MAPDA: variants seen among roughly 807,000 people sequenced by gnomAD.
MAPDA encodes N6-Methyl-AMP deaminase, also known as N6,N6-dimethyl-AMP deaminase.
At chr15:43,333,989 G>A in the MAPDA span, among the ~76,000 whole-genome samples, 1 of 152,186 alleles carries the variant, frequency 6.6e-6, no homozygotes, top group African/African-American at 2.4e-5. Context: ...TTAGAGTGGT[G>A]GAATAATTCA....
At chr15:43,336,813 C>T in the MAPDA span, 238 of 646,844 alleles carry the variant, frequency 3.7e-4, no homozygotes, top group Non-Finnish European at 4.6e-4. Flanking sequence ...ATTATGGCAA[C>T]TCTTCAAAAC....
the MAPDA span, among the ~76,000 whole-genome samples, chr15:43,341,637 G>A: frequency 4.1e-5 from 6 of 147,288 alleles, no homozygotes; most frequent in Non-Finnish European, 5.9e-5. Context: ...CCAGAAGTTC[G>A]AGACCAGCCT....
chr15:43,338,950 A>G, the MAPDA span, among the ~76,000 whole-genome samples: 7 of 152,234 alleles, frequency 4.6e-5, no homozygotes, highest in Non-Finnish European at 7.3e-5. Flanking sequence ...GAAAAGGACT[A>G]CTATTTCAAA....
the MAPDA span, chr15:43,352,734 C>T: frequency 1.3e-5 from 2 of 152,194 alleles, no homozygotes; most frequent in Admixed American, 1.3e-4. Context: ...TCCAAGATCC[C>T]AAGACCATTG....
chr15:43,335,632 G>A, the MAPDA span: 1 of 1,502,112 alleles, frequency 6.7e-7, no homozygotes, highest in East Asian at 2.3e-5. Context: ...CCAACATTAA[G>A]TACTTGGTAA....
At chr15:43,330,371 A>G in the MAPDA span, 6 of 1,589,016 alleles carry the variant, frequency 3.8e-6, no homozygotes, top group Non-Finnish European at 4.3e-6. Flanking sequence ...CGGAACCAGC[A>G]ACGCGGCAAA....
At chr15:43,335,002 A>G in the MAPDA span, 1 of 1,108,094 alleles carries the variant, frequency 9.0e-7, no homozygotes, top group Non-Finnish European at 1.3e-6. Context: ...TGTGGAAGTA[A>G]AGCAATCTGA....
chr15:43,333,321 T>C, the MAPDA span: 1 of 150,900 alleles, frequency 6.6e-6, no homozygotes, highest in Non-Finnish European at 1.5e-5. Flanking sequence ...GAGGCTGAAG[T>C]GGGAGGATCG....
At chr15:43,340,330 A>G in the MAPDA span, 1 of 1,614,066 alleles carries the variant, frequency 6.2e-7, no homozygotes, top group Non-Finnish European at 8.5e-7. Context: ...TAAGGAGCAC[A>G]CCCAGAAGAG....
At chr15:43,347,696 C>G in the MAPDA span, among the ~76,000 whole-genome samples, 2 of 152,182 alleles carry the variant, frequency 1.3e-5, no homozygotes, top group Admixed American at 6.5e-5. Context: ...CTCAGTACTT[C>G]TAGCTATTTA....
the MAPDA span, among the ~76,000 whole-genome samples, chr15:43,349,586 T>C: frequency 2.0e-5 from 3 of 152,322 alleles, no homozygotes; most frequent in East Asian, 3.9e-4. Flanking sequence ...TACAAGAAAG[T>C]ATCAGTGTTC....
At chr15:43,332,824 C>T in the MAPDA span, among the ~76,000 whole-genome samples, 2 of 152,106 alleles carry the variant, frequency 1.3e-5, no homozygotes, top group Non-Finnish European at 2.9e-5. Context: ...TCTGGCCCTG[C>T]TCTAATATTG....
chr15:43,353,277 AAAC>A, the MAPDA span: 1 of 53,916 alleles, frequency 1.9e-5, no homozygotes, highest in African/African-American at 6.6e-4. Flanking sequence ...AAAGGTAAAA[AAAC>A]AAACAAACAA....
chr15:43,351,303 G>A, the MAPDA span: 1 of 343,310 alleles, frequency 2.9e-6, no homozygotes, highest in Non-Finnish European at 5.3e-6. Flanking sequence ...TCCATCTTGG[G>A]CAACAAGAGT....
the MAPDA span, chr15:43,345,716 T>C: frequency 1.0e-6 from 1 of 992,242 alleles, no homozygotes; most frequent in Non-Finnish European, 1.5e-6. Flanking sequence ...AATGTCATGT[T>C]GTCTAGATTC....
chr15:43,337,965 G>A, the MAPDA span, among the ~76,000 whole-genome samples: 48 of 152,254 alleles, frequency 3.2e-4, no homozygotes, highest in African/African-American at 1.1e-3. Flanking sequence ...GAACCAAAAG[G>A]GCATTCTCTA....
chr15:43,337,112 CA>C, the MAPDA span, among the ~76,000 whole-genome samples: 268 of 137,522 alleles, frequency 1.9e-3, 1 homozygote, highest in Admixed American at 3.1e-3. Flanking sequence ...ACTAAAAATA[CA>C]AAAAAAAAAA....
At chr15:43,342,822 A>G in the MAPDA span, among the ~76,000 whole-genome samples, 4 of 152,076 alleles carry the variant, frequency 2.6e-5, no homozygotes, top group East Asian at 7.7e-4. Flanking sequence ...TTATTAAAAT[A>G]TAATTTGCAT....
At chr15:43,343,017 G>T in the MAPDA span, 1 of 1,586,516 alleles carries the variant, frequency 6.3e-7, no homozygotes, top group Admixed American at 1.8e-5. Flanking sequence ...GACTTATGTG[G>T]AATCTATACT....
Sources: gnomAD v4.1 joint callset for allele counts (sites outside exome capture counted in the v4.1 genomes callset) on GRCh38, gnomAD v4.1.1 for gene constraint, MANE v1.5 for transcripts, NCBI Gene and HGNC (gene_info 2026-07-23, HGNC 2026-07-21) for gene names.